RALYL: variants seen among roughly 807,000 people sequenced by gnomAD.
RALYL encodes the protein RNA-binding Raly-like protein.
Under a neutral mutation model 35.1 loss-of-function variants are expected in RALYL, and 29 were observed. That is an observed-to-expected ratio of 0.83 (90% CI 0.61 to 1.13). RALYL has a LOEUF of 1.13. Among genes scored for constraint, RALYL ranks in the 50% most tolerant of loss-of-function variants. RALYL has a pLI of 0.00. For synonymous variants in RALYL, 120 were observed against 127.6 expected, an observed-to-expected ratio of 0.94 and a Z score of 0.40; for missense variants, 359 against 360.4, an observed-to-expected ratio of 1.00 and a Z score of 0.03.
At chr8:84,662,983 C>T (rs1250592640) in intron 2 of RALYL, among the ~76,000 whole-genome samples, 4 of 152,036 alleles carry the variant, frequency 2.6e-5, no homozygotes, top group Non-Finnish European at 5.9e-5. Flanking sequence ...AATGCTCTCC[C>T]TCCTCCCACC....
At chr8:84,553,961 A>G (rs7009734) in intron 2 of RALYL, among the ~76,000 whole-genome samples, 1,983 of 152,338 alleles carry the variant, frequency 0.013, 39 homozygotes, top group African/African-American at 0.046. Context: ...ATTTTCAAAT[A>G]CTTTAGAATA....
chr8:84,469,674 G>A (rs1358725644), intron 1 of RALYL, among the ~76,000 whole-genome samples: 1 of 152,180 alleles, frequency 6.6e-6, no homozygotes, highest in Admixed American at 6.5e-5. Context: ...CACCCAGTTC[G>A]AGCTTCCCAG....
rs772263677 is a variant in RALYL, at chr8:84,529,616, A to G, written c.256+39A>G. ...AGACATGGATCTCACGTTATTGTTC[A>G]TATATCTGGAAATTGTTTTATTTCA... is the stretch of plus-strand genomic sequence containing the variant. On this transcript the variant is annotated intron_variant, in intron 2 of 8. Transcript: ENST00000521268. 4.5e-6 allele frequency: 7 copies of G among 1,571,058 alleles called. No homozygotes were observed. The East Asian group carries it at 6.8e-5, about 15-fold the overall frequency.
intron 2 of RALYL, among the ~76,000 whole-genome samples, chr8:84,743,780 A>C (rs1468975460): frequency 6.6e-6 from 1 of 152,104 alleles, no homozygotes; most frequent in Non-Finnish European, 1.5e-5. Context: ...CAATCCTGAC[A>C]CATTGCTGCT....
chr8:84,569,416 G>A (rs558520575), intron 2 of RALYL, among the ~76,000 whole-genome samples: 1 of 151,140 alleles, frequency 6.6e-6, no homozygotes, highest in Non-Finnish European at 1.5e-5. Context: ...TATTTTCCCA[G>A]TTTTTAATGG....
intron 1 of RALYL, among the ~76,000 whole-genome samples, chr8:84,221,844 A>C (rs1822297513): frequency 6.6e-6 from 1 of 152,082 alleles, no homozygotes; most frequent in African/African-American, 2.4e-5. Context: ...GTATTCTTGG[A>C]ATTCTGGTGT....
rs1032681659 is a variant in RALYL, at chr8:84,647,604, T to C, written c.256+118027T>C. Among the ~76,000 whole-genome samples the C allele has an allele frequency of 2.6e-5, 4 of 152,084 alleles. No individual in the cohort carries two copies. The East Asian group carries it at 5.8e-4, about 22-fold the overall frequency. On this transcript the variant is annotated intron_variant, in intron 2 of 8. Transcript: ENST00000521268. ...TGGAGCTCACAAAAGAATCTTCTAG[T>C]GTGAGAGAATGATAGGTCTTTGTGG... is the stretch of plus-strand genomic sequence containing the variant.
intron 2 of RALYL, among the ~76,000 whole-genome samples, chr8:84,714,158 T>C (rs1842617215): frequency 6.6e-6 from 1 of 151,712 alleles, no homozygotes; most frequent in Non-Finnish European, 1.5e-5. Context: ...TACAGAAAGA[T>C]AAATACTGTG....
chr8:84,550,546 C>T (rs1294800597), intron 2 of RALYL, among the ~76,000 whole-genome samples: 1 of 151,506 alleles, frequency 6.6e-6, no homozygotes, highest in Non-Finnish European at 1.5e-5. Context: ...GAAAAATTAC[C>T]CACATAGACT....
chr8:84,190,070 G>A (rs901273587), intron 1 of RALYL, among the ~76,000 whole-genome samples: 1 of 152,210 alleles, frequency 6.6e-6, no homozygotes, highest in Non-Finnish European at 1.5e-5. Context: ...AACACATTCA[G>A]CATTTACTTA....
At chr8:84,425,984 A>G (rs998738695) in intron 1 of RALYL, among the ~76,000 whole-genome samples, 2 of 152,122 alleles carry the variant, frequency 1.3e-5, no homozygotes, top group East Asian at 3.9e-4. Context: ...AGAATTGAGG[A>G]TAACCGTTTA....
chr8:84,667,625 TCTC>T, intron 2 of RALYL, among the ~76,000 whole-genome samples: 1 of 152,250 alleles, frequency 6.6e-6, no homozygotes, highest in Admixed American at 6.6e-5. Context: ...TAAAAATTAA[TCTC>T]CTCAGTCCAT....
rs377281731 is a variant in RALYL, at chr8:84,609,999, A to G, written c.256+80422A>G. Among the ~76,000 whole-genome samples, 244 of 152,158 alleles carry G rather than the reference A, an allele frequency of 1.6e-3. 1 individual carries two copies. Among genetic ancestry groups the G allele is most frequent in the South Asian group, 5.2e-3 (25 of 4,826 alleles). ...TTATTCACTATCATGAGAACAACAT[A>G]CGAAAGACCCGCCCCCATAATTCAG... On this transcript the variant is annotated intron_variant, in intron 2 of 8. Transcript: ENST00000521268.
At chr8:84,243,096 A>T (rs924750030) in intron 1 of RALYL, among the ~76,000 whole-genome samples, 1 of 152,292 alleles carries the variant, frequency 6.6e-6, no homozygotes, top group East Asian at 1.9e-4. Context: ...TTAAACAGGG[A>T]ATTCTTTCCC....
At chr8:84,544,322 A>G (rs977149582) in intron 2 of RALYL, among the ~76,000 whole-genome samples, 3 of 151,714 alleles carry the variant, frequency 2.0e-5, no homozygotes, top group African/African-American at 2.4e-5. Flanking sequence ...CTCTCTTCCC[A>G]CTTGTAAACT....
chr8:84,684,351 T>C (rs1292920831), intron 2 of RALYL, among the ~76,000 whole-genome samples: 1 of 152,176 alleles, frequency 6.6e-6, no homozygotes, highest in Non-Finnish European at 1.5e-5. Flanking sequence ...ATGAGGAAGA[T>C]GATCACTGCC....
At chr8:84,246,453 G>C (rs1829117589) in intron 1 of RALYL, among the ~76,000 whole-genome samples, 1 of 152,118 alleles carries the variant, frequency 6.6e-6, no homozygotes, top group South Asian at 2.1e-4. Flanking sequence ...TAGATTGAAA[G>C]ACTAGAAAAG....
intron 1 of RALYL, among the ~76,000 whole-genome samples, chr8:84,265,398 C>T (rs1833090968): frequency 1.3e-5 from 2 of 152,150 alleles, no homozygotes; most frequent in Admixed American, 6.5e-5. Flanking sequence ...ACCCAACCTG[C>T]CGTTACTGGC....
intron 5 of RALYL, 97 bp from the exon 6 acceptor site, chr8:84,862,199 G>A: frequency 2.9e-6 from 3 of 1,047,406 alleles, no homozygotes; most frequent in Non-Finnish European, 2.6e-6. Flanking sequence ...AACATTTATT[G>A]AAATTTTCTA....
Sources: gnomAD v4.1 joint callset for allele counts (sites outside exome capture counted in the v4.1 genomes callset) on GRCh38, gnomAD v4.1.1 for gene constraint, MANE v1.5 for transcripts, NCBI Gene and HGNC (gene_info 2026-07-23, HGNC 2026-07-21) for gene names.